Variants in MLIP observed in about 807,000 individuals in gnomAD.
MLIP encodes the protein muscular LMNA interacting protein, also known as muscular LMNA-interacting protein.
MLIP carries 79 observed loss-of-function variants against 84.8 expected under a neutral mutation model. That is an observed-to-expected ratio of 0.93 (90% CI 0.78 to 1.12). The LOEUF (loss-of-function observed/expected upper bound fraction) is 1.12, where lower values mean the gene tolerates loss of function less well. Among genes scored for constraint, MLIP ranks in the 50% most tolerant of loss-of-function variants. The pLI is 0.00. For missense variants in MLIP, 1,257 were observed against 1,160.6 expected (o/e 1.08, Z -1.21); for synonymous variants, 504 against 463.0 (o/e 1.09, Z -1.14).
chr6:54,265,184 G>A (rs9296744), intron 13 of MLIP, among the ~76,000 whole-genome samples: 34,950 of 152,016 alleles, frequency 0.23, 6,769 homozygotes, highest in African/African-American at 0.53. Context: ...GTGTTATTCC[G>A]TCACATTGTT....
At chr6:54,196,116 A>G (rs985506687) in intron 10 of MLIP, among the ~76,000 whole-genome samples, 13 of 152,068 alleles carry the variant, frequency 8.5e-5, no homozygotes, top group African/African-American at 3.1e-4. Context: ...TGTGAATTAT[A>G]TTGTGATCAA....
chr6:54,096,777 C>A (rs1306709738), intron 1 of MLIP, among the ~76,000 whole-genome samples: 1 of 152,192 alleles, frequency 6.6e-6, no homozygotes, highest in African/African-American at 2.4e-5. Context: ...GATAATCCAA[C>A]CTGCAACATC....
At position 54,144,862 on chromosome 6, in the gene MLIP, T is replaced by TGACTTTA. The variant is rs1440362802; in HGVS notation, c.2218-4192_2218-4186dup. Among the ~76,000 whole-genome samples the TGACTTTA allele has an allele frequency of 4.6e-5, 7 of 152,314 alleles. No homozygotes were observed. In the East Asian group the frequency reaches 1.4e-3, roughly 29 times the overall value. ...TTTTAGACATCAGCAACAGGATATATGACTTTAGTGGAAAATATTTTCTGA... is the reference window on the plus strand; with the variant it reads ...TTTTAGACATCAGCAACAGGATATATGACTTTAGACTTTAGTGGAAAATATTTTCTGA... On this transcript the variant is annotated intron_variant, in intron 4 of 13. Coordinates refer to ENST00000502396, the MANE Select transcript of MLIP (RefSeq NM_001281747.2).
intron 2 of MLIP, among the ~76,000 whole-genome samples, chr6:54,122,216 C>G (rs1217016521): frequency 6.6e-6 from 1 of 152,030 alleles, no homozygotes; most frequent in Non-Finnish European, 1.5e-5. Flanking sequence ...TGCCTAATAT[C>G]TAACAATCAG....
At chr6:54,162,642 C>T (rs1447638953) in intron 8 of MLIP, among the ~76,000 whole-genome samples, 1 of 151,576 alleles carries the variant, frequency 6.6e-6, no homozygotes, top group South Asian at 2.1e-4. Flanking sequence ...AGTTTGGGTG[C>T]GGGTAGTGAA....
intron 1 of MLIP, chr6:54,058,831 T>C (rs764825897): frequency 2.6e-4 from 40 of 152,194 alleles, no homozygotes; most frequent in African/African-American, 8.9e-4. Context: ...TCACAATTAG[T>C]TGGGGGTAGA....
At chr6:54,121,334 G>A in intron 1 of MLIP, 113 bp from the exon 2 acceptor site, 1 of 1,129,258 alleles carries the variant, frequency 8.9e-7, no homozygotes, top group Non-Finnish European at 1.3e-6. Flanking sequence ...CATGATCACA[G>A]GACAATAGGC....
intron 12 of MLIP, among the ~76,000 whole-genome samples, chr6:54,253,984 T>A (rs181172639): frequency 3.3e-4 from 47 of 144,382 alleles, no homozygotes; most frequent in African/African-American, 1.1e-3. Context: ...TTTTAGTTAT[T>A]TTTTTCTTTG....
At position 54,160,389 on chromosome 6, in the gene MLIP, C is replaced by T; in HGVS notation, c.2312C>T (p.Thr771Ile). ...EQKALDEPAK[T>I]ESVSKDNTLE... The stretch of plus-strand genomic sequence containing the variant: ...TAGGCACTAGATGAACCAGCCAAGA[C>T]TGAAAGTGTCTCCAAGGACAACACA... The change falls in exon 6 of 14, where the codon ACT becomes ATT. Residue 771 changes from threonine to isoleucine, a missense_variant. Thr to Ile is a moderately conservative substitution (Grantham distance 89). Coordinates refer to ENST00000502396, the MANE Select transcript of MLIP (RefSeq NM_001281747.2). 6.2e-7 allele frequency: 1 copy of T among 1,612,336 alleles called. No homozygotes were observed. Among genetic ancestry groups the T allele is most frequent in the Non-Finnish European group, 8.5e-7 (1 of 1,179,038 alleles).
intron 1 of MLIP, among the ~76,000 whole-genome samples, chr6:54,056,196 T>C (rs1765651944): frequency 6.6e-6 from 1 of 152,222 alleles, no homozygotes; most frequent in African/African-American, 2.4e-5. Context: ...TCATCCATCA[T>C]GCACCTAGGT....
intron 1 of MLIP, among the ~76,000 whole-genome samples, chr6:54,032,190 T>G (rs11965692): frequency 0.097 from 14,694 of 152,194 alleles, 1,094 homozygotes; most frequent in African/African-American, 0.21. Context: ...AGGTTATATT[T>G]ACAATTCCCT....
intron 9 of MLIP, among the ~76,000 whole-genome samples, chr6:54,173,215 C>A (rs1313206468): frequency 4.6e-5 from 7 of 151,676 alleles, no homozygotes; most frequent in Non-Finnish European, 1.0e-4. Flanking sequence ...ACAGAGCAGG[C>A]AAAACCCAAC....
rs75236713 is a variant in MLIP at position 54,143,940 on chromosome 6, T to C, written c.2218-5116T>C. Among the ~76,000 whole-genome samples, 372 of 152,162 alleles carry C rather than the reference T, an allele frequency of 2.4e-3. 1 individual carries two copies. The highest frequency in any genetic ancestry group is 8.4e-3 in the African/African-American group (348 of 41,502). ...AATATTATAATAAAATGAAACAAAATTATGCATTTAAGGTGTTAGAGGAAT... is the reference window on the plus strand; with the variant it reads ...AATATTATAATAAAATGAAACAAAACTATGCATTTAAGGTGTTAGAGGAAT... On this transcript the variant is annotated intron_variant, in intron 4 of 13. Transcript: ENST00000502396.
chr6:54,070,758 A>C (rs1766437880), intron 1 of MLIP, among the ~76,000 whole-genome samples: 1 of 152,144 alleles, frequency 6.6e-6, no homozygotes, highest in Admixed American at 6.5e-5. Flanking sequence ...GCATAGTACA[A>C]GATTCAGAAA....
chr6:54,236,429 C>T (rs540674028), intron 12 of MLIP, among the ~76,000 whole-genome samples: 37 of 152,102 alleles, frequency 2.4e-4, no homozygotes, highest in South Asian at 8.3e-4. Context: ...GGTGAAACCA[C>T]GTCTCTACTA....
chr6:54,257,922 A>G (rs887180712), intron 13 of MLIP, among the ~76,000 whole-genome samples: 4 of 152,124 alleles, frequency 2.6e-5, no homozygotes, highest in African/African-American at 9.7e-5. Context: ...GCTGATAAGT[A>G]AAAAGTAAAT....
intron 11 of MLIP, among the ~76,000 whole-genome samples, chr6:54,211,167 T>C (rs1779426651): frequency 6.6e-6 from 1 of 152,026 alleles, no homozygotes; most frequent in Non-Finnish European, 1.5e-5. Context: ...TTGAGGTTAC[T>C]GTGAGCCAAG....
intron 9 of MLIP, among the ~76,000 whole-genome samples, chr6:54,172,806 G>GT (rs1775903871): frequency 6.6e-6 from 1 of 151,522 alleles, no homozygotes; most frequent in South Asian, 2.1e-4. Flanking sequence ...CATACAGTCT[G>GT]TTTTTTAGGA....
chr6:54,214,025 C>T (rs1256195689), intron 11 of MLIP, among the ~76,000 whole-genome samples: 1 of 152,138 alleles, frequency 6.6e-6, no homozygotes, highest in Non-Finnish European at 1.5e-5. Context: ...AATCCTATCT[C>T]TTTACAGTAA....
Sources: gnomAD v4.1 joint callset for allele counts (sites outside exome capture counted in the v4.1 genomes callset) on GRCh38, gnomAD v4.1.1 for gene constraint, MANE v1.5 for transcripts, NCBI Gene and HGNC (gene_info 2026-07-23, HGNC 2026-07-21) for gene names.